The following SGCD variants were observed in gnomAD, a reference collection of about 807,000 sequenced individuals.
SGCD encodes sarcoglycan delta.
Under a neutral mutation model 36.6 loss-of-function variants are expected in SGCD, and 18 were observed. The observed-to-expected ratio is 0.49, with a 90% CI of 0.34 to 0.73. SGCD has a LOEUF of 0.73. SGCD is among the 30% of genes least tolerant of loss of function. SGCD has a pLI of 0.01. For synonymous variants in SGCD, 133 were observed against 130.6 expected (o/e 1.02, Z -0.12); for missense variants, 387 against 346.7 (o/e 1.12, Z -0.92).
intron 7 of SGCD, among the ~76,000 whole-genome samples, chr5:156,755,898 A>G (rs1344651899): frequency 6.6e-6 from 1 of 152,132 alleles, no homozygotes; most frequent in East Asian, 1.9e-4. Context: ...AGGAACCTAG[A>G]CCTGAAAAAT....
intron 1 of SGCD, among the ~76,000 whole-genome samples, chr5:156,082,455 A>G (rs1045876843): frequency 2.0e-5 from 3 of 152,186 alleles, no homozygotes; most frequent in Non-Finnish European, 4.4e-5. Context: ...GATCACTTCA[A>G]TAGTGTTCTA....
At chr5:156,406,085 A>T (rs939204264) in intron 3 of SGCD, among the ~76,000 whole-genome samples, 6 of 151,108 alleles carry the variant, frequency 4.0e-5, no homozygotes, top group African/African-American at 1.2e-4. Context: ...TTTTAGCAGC[A>T]GCTGGTCCGT....
At chr5:156,160,243 G>A (rs1000601724) in intron 3 of SGCD, among the ~76,000 whole-genome samples, 3 of 151,300 alleles carry the variant, frequency 2.0e-5, no homozygotes, top group Non-Finnish European at 4.4e-5. Flanking sequence ...AAACTAGAAG[G>A]CAATGAAATT....
intron 4 of SGCD, among the ~76,000 whole-genome samples, chr5:156,542,897 G>A (rs1758406178): frequency 6.6e-6 from 1 of 152,108 alleles, no homozygotes; most frequent in South Asian, 2.1e-4. Flanking sequence ...GAAGAGCCAG[G>A]CACCCCTTCA....
the SGCD span, among the ~76,000 whole-genome samples, chr5:155,748,106 T>C: frequency 2.0e-5 from 3 of 151,990 alleles, no homozygotes; most frequent in East Asian, 5.8e-4. Context: ...TTTGTTTTTT[T>C]CTTGTTTCTT....
intron 3 of SGCD, among the ~76,000 whole-genome samples, chr5:156,423,280 TTATATTTTATTATAATATAA>T (rs1403491281): frequency 1.0e-5 from 1 of 97,330 alleles, no homozygotes; most frequent in Non-Finnish European, 1.9e-5. Context: ...TAACATTATA[TTATATTTTATTATAATATAA>T]TATATTTTAT....
intron 3 of SGCD, among the ~76,000 whole-genome samples, chr5:156,245,728 C>A (rs1371216079): frequency 6.6e-6 from 1 of 151,626 alleles, no homozygotes; most frequent in East Asian, 1.9e-4. Flanking sequence ...CAACCAAAGT[C>A]CAGAATGGAG....
At chr5:155,800,812 C>G in the SGCD span, among the ~76,000 whole-genome samples, 1 of 152,040 alleles carries the variant, frequency 6.6e-6, no homozygotes, top group Non-Finnish European at 1.5e-5. Context: ...TATCTTGAGT[C>G]TGTCCTGTTA....
At chr5:155,975,864 A>G (rs184746872) in intron 1 of SGCD, among the ~76,000 whole-genome samples, 77 of 151,798 alleles carry the variant, frequency 5.1e-4, no homozygotes, top group East Asian at 2.5e-3. Context: ...TCCTGACCTC[A>G]GGTGATCTGC....
chr5:155,841,457 A>T, the SGCD span, among the ~76,000 whole-genome samples: 2 of 152,118 alleles, frequency 1.3e-5, no homozygotes, highest in African/African-American at 4.8e-5. Context: ...TTGTAGTTGT[A>T]ATTTATATTT....
chr5:155,841,241 A>G, the SGCD span, among the ~76,000 whole-genome samples: 1 of 152,190 alleles, frequency 6.6e-6, no homozygotes, highest in Non-Finnish European at 1.5e-5. Flanking sequence ...TTCAGAATGA[A>G]GACCCAAAGG....
intron 1 of SGCD, among the ~76,000 whole-genome samples, chr5:156,005,646 T>C (rs1758747343): frequency 6.6e-6 from 1 of 152,194 alleles, no homozygotes; most frequent in East Asian, 1.9e-4. Flanking sequence ...GAAATGGGGT[T>C]TCACCGTGTT....
In SGCD at chr5:156,007,247, G is replaced by T. The variant is rs190818159; in HGVS notation, c.-281-110631G>T. On this transcript the variant is annotated intron_variant, in intron 1 of 9. Transcript: ENST00000517913. ...TTGGTAAGCACCCTCACCACACTGG[G>T]TGATAAATGTATTGAGGATAACTCC... is the stretch of plus-strand genomic sequence containing the variant. Among the ~76,000 whole-genome samples, 22 of 152,230 alleles carry T rather than the reference G, an allele frequency of 1.4e-4. No homozygotes were observed. The East Asian group carries it at 4.1e-3, about 28-fold the overall frequency.
chr5:156,469,682 A>G (rs2127826093), intron 3 of SGCD, among the ~76,000 whole-genome samples: 1 of 152,344 alleles, frequency 6.6e-6, no homozygotes, highest in South Asian at 2.1e-4. Flanking sequence ...AGTCCTCACT[A>G]CAACCCCAGG....
At chr5:156,701,017 T>C (rs918240561) in intron 7 of SGCD, among the ~76,000 whole-genome samples, 14 of 151,366 alleles carry the variant, frequency 9.2e-5, no homozygotes, top group African/African-American at 3.4e-4. Flanking sequence ...TGCAATCACC[T>C]CATTTATCTG....
Position 156,024,913 on chromosome 5 carries a change from G to A in SGCD, c.-281-92965G>A, listed in dbSNP as rs192144379. ...GCAGAGGTTGCAGTGAGCCGAGATC[G>A]TGCCACTGCACTCCAGCCTGGGCAA... On this transcript the variant is annotated intron_variant, in intron 1 of 9. Coordinates refer to the SGCD transcript ENST00000517913. Among the ~76,000 whole-genome samples, 402 of 150,826 alleles carry A rather than the reference G, an allele frequency of 2.7e-3. 1 individual carries two copies. The highest frequency in any genetic ancestry group is 8.8e-3 in the African/African-American group (362 of 40,964).
chr5:156,005,823 C>T (rs552305020), intron 1 of SGCD, among the ~76,000 whole-genome samples: 6 of 152,268 alleles, frequency 3.9e-5, no homozygotes, highest in East Asian at 1.9e-4. Flanking sequence ...CAGTCTCTTG[C>T]GTTCACAGTC....
At chr5:156,374,326 A>T (rs931182566) in intron 3 of SGCD, among the ~76,000 whole-genome samples, 1 of 152,164 alleles carries the variant, frequency 6.6e-6, no homozygotes, top group Non-Finnish European at 1.5e-5. Context: ...GGGTTTTTAG[A>T]TCTTCCAAGC....
At chr5:156,521,431 G>T (rs934767012) in intron 4 of SGCD, among the ~76,000 whole-genome samples, 1 of 152,070 alleles carries the variant, frequency 6.6e-6, no homozygotes, top group African/African-American at 2.4e-5. Context: ...TACAGAATGG[G>T]AGAAAATTTT....
Sources: allele counts gnomAD v4.1 joint callset (sites outside exome capture counted in the v4.1 genomes callset), GRCh38; gene constraint gnomAD v4.1.1; transcripts MANE v1.5; gene names NCBI Gene and HGNC (gene_info 2026-07-23, HGNC 2026-07-21).